CRPPA: variants seen among roughly 807,000 people sequenced by gnomAD.
CRPPA encodes the protein D-ribitol-5-phosphate cytidylyltransferase.
In CRPPA, 43 loss-of-function variants were observed where a neutral mutation model predicts 52.0. The observed-to-expected ratio is 0.83, with a 90% CI of 0.65 to 1.07. The LOEUF (loss-of-function observed/expected upper bound fraction) is 1.07. Among genes scored for constraint, CRPPA ranks in the 50% least tolerant of loss-of-function variants. The pLI is 0.00. For synonymous variants in CRPPA, 250 were observed against 203.5 expected (o/e 1.23, Z -1.94); for missense variants, 629 against 551.7 (o/e 1.14, Z -1.40).
At chr7:16,155,904 G>C (rs190923337) in intron 9 of CRPPA, among the ~76,000 whole-genome samples, 6 of 151,416 alleles carry the variant, frequency 4.0e-5, no homozygotes, top group Non-Finnish European at 5.9e-5. Context: ...AACAAACAAG[G>C]GTTCCTTAAT....
At chr7:16,399,750 C>T (rs1400649610) in intron 2 of CRPPA, among the ~76,000 whole-genome samples, 6 of 152,064 alleles carry the variant, frequency 3.9e-5, no homozygotes, top group East Asian at 3.9e-4. Context: ...GTAACTGACA[C>T]GTTTCTCACA....
chr7:16,396,464 C>T (rs1787571374), intron 2 of CRPPA, among the ~76,000 whole-genome samples: 1 of 152,198 alleles, frequency 6.6e-6, no homozygotes, highest in South Asian at 2.1e-4. Context: ...TTCTACACTG[C>T]TGGTGAGAAT....
At chr7:16,382,437 T>C (rs1787122891) in intron 2 of CRPPA, among the ~76,000 whole-genome samples, 1 of 152,232 alleles carries the variant, frequency 6.6e-6, no homozygotes, top group South Asian at 2.1e-4. Flanking sequence ...TTTTCTTTCA[T>C]TTCAACTTTG....
At chr7:16,396,754 G>C (rs1424051363) in intron 2 of CRPPA, among the ~76,000 whole-genome samples, 2 of 152,234 alleles carry the variant, frequency 1.3e-5, no homozygotes, top group African/African-American at 4.8e-5. Flanking sequence ...ATGACTGATA[G>C]AAAACGTGTG....
At chr7:16,299,329 C>G (rs1438944434) in intron 5 of CRPPA, among the ~76,000 whole-genome samples, 3 of 152,004 alleles carry the variant, frequency 2.0e-5, no homozygotes, top group Non-Finnish European at 4.4e-5. Context: ...GGGAGAGCAT[C>G]GTAAGACTTA....
intron 6 of CRPPA, among the ~76,000 whole-genome samples, chr7:16,271,091 T>C (rs1245182566): frequency 6.6e-6 from 1 of 152,104 alleles, no homozygotes; most frequent in Non-Finnish European, 1.5e-5. Context: ...ACCCTGCTTG[T>C]CATTTGTGAT....
chr7:16,375,812 T>A (rs1786865342), intron 3 of CRPPA, among the ~76,000 whole-genome samples: 1 of 152,182 alleles, frequency 6.6e-6, no homozygotes, highest in South Asian at 2.1e-4. Context: ...CACACACAAT[T>A]TGCTGAATTT....
chr7:16,322,716 A>G (rs1418306314), intron 3 of CRPPA, among the ~76,000 whole-genome samples: 1 of 152,156 alleles, frequency 6.6e-6, no homozygotes, highest in African/African-American at 2.4e-5. Flanking sequence ...TTTGAGGGAG[A>G]GTATTCAATG....
In CRPPA at chr7:16,286,094, A is replaced by AT. The variant is rs1401237766; in HGVS notation, c.836-7869_836-7868insA. The stretch of plus-strand genomic sequence containing the variant: ...ATATATATATATAATATTTAAAAAA[A>AT]AAAATATATATATATATATATATGC... On this transcript the variant is annotated intron_variant, in intron 5 of 9. Coordinates refer to ENST00000407010, the MANE Select transcript of CRPPA (RefSeq NM_001101426.4). Among the ~76,000 whole-genome samples, 64 of 52,534 alleles carry AT rather than the reference A, an allele frequency of 1.2e-3. 1 individual carries two copies. Among genetic ancestry groups the AT allele is most frequent in the Admixed American group, 3.7e-3 (20 of 5,412 alleles). The allele number at this position is 52,534 out of a possible 152,430, so 34.5% of individuals were successfully genotyped here.
chr7:16,385,977 T>C (rs561707615), intron 2 of CRPPA, among the ~76,000 whole-genome samples: 1 of 152,214 alleles, frequency 6.6e-6, no homozygotes, highest in Non-Finnish European at 1.5e-5. Flanking sequence ...CATGTTACAG[T>C]GCTCCTTTAG....
intron 8 of CRPPA, among the ~76,000 whole-genome samples, chr7:16,254,851 GAAGA>G (rs765005404): frequency 5.8e-4 from 81 of 139,312 alleles, no homozygotes; most frequent in South Asian, 1.2e-3. Context: ...GAAAGAGAAA[GAAGA>G]AAGAAAGAAA....
chr7:16,159,625 T>C (rs961812018), intron 9 of CRPPA, among the ~76,000 whole-genome samples: 1 of 152,254 alleles, frequency 6.6e-6, no homozygotes, highest in Non-Finnish European at 1.5e-5. Flanking sequence ...GCATTTGGGT[T>C]GGTTCCAAGT....
intron 9 of CRPPA, chr7:16,210,509 G>C (rs918241228): frequency 1.3e-5 from 2 of 152,152 alleles, no homozygotes; most frequent in African/African-American, 4.8e-5. Flanking sequence ...TCTGTGCAAA[G>C]AACAGAGGCA....
intron 9 of CRPPA, among the ~76,000 whole-genome samples, chr7:16,110,402 T>G (rs551410122): frequency 2.6e-5 from 4 of 152,210 alleles, no homozygotes; most frequent in African/African-American, 9.6e-5. Flanking sequence ...AATGTCATTT[T>G]TCATACAAAT....
intron 9 of CRPPA, among the ~76,000 whole-genome samples, chr7:16,148,106 T>G (rs1466580825): frequency 6.6e-6 from 1 of 152,198 alleles, no homozygotes; most frequent in Non-Finnish European, 1.5e-5. Flanking sequence ...TCTCCCAATG[T>G]AATCTTATAT....
intron 1 of CRPPA, among the ~76,000 whole-genome samples, chr7:16,412,133 A>G (rs1788088899): frequency 6.6e-6 from 1 of 152,204 alleles, no homozygotes; most frequent in East Asian, 1.9e-4. Context: ...ATAATTACAA[A>G]CAGACACTTA....
rs187793556 is a variant in CRPPA, at chr7:16,351,668, A to G, written c.684+24424T>C. ...CGGCCAAACATATGAAAAAAAGCTC[A>G]TCATCACTGGTCATTAGAGAAATAC... On this transcript the variant is annotated intron_variant, in intron 3 of 9. Coordinates refer to ENST00000407010, the MANE Select transcript of CRPPA (RefSeq NM_001101426.4). Among the ~76,000 whole-genome samples, 19 of 152,316 alleles carry G rather than the reference A, an allele frequency of 1.2e-4. No homozygotes were observed. The East Asian group carries it at 3.7e-3, about 29-fold the overall frequency.
At chr7:16,291,863 A>T (rs1784571959) in intron 5 of CRPPA, among the ~76,000 whole-genome samples, 1 of 151,822 alleles carries the variant, frequency 6.6e-6, no homozygotes, top group African/African-American at 2.4e-5. Flanking sequence ...TAAAAATCAG[A>T]TTTTCCTGAA....
intron 3 of CRPPA, among the ~76,000 whole-genome samples, chr7:16,345,718 G>C (rs1447899139): frequency 6.6e-6 from 1 of 151,508 alleles, no homozygotes; most frequent in Admixed American, 6.6e-5. Flanking sequence ...CCCTCAAGCT[G>C]TTAGTTTGGC....
Sources: gnomAD v4.1 joint callset for allele counts (sites outside exome capture counted in the v4.1 genomes callset) on GRCh38, gnomAD v4.1.1 for gene constraint, MANE v1.5 for transcripts, NCBI Gene and HGNC (gene_info 2026-07-23, HGNC 2026-07-21) for gene names.